ZFAT: variants seen among roughly 807,000 people sequenced by gnomAD.
ZFAT encodes the protein zinc finger protein ZFAT.
A neutral mutation model predicts 117.7 loss-of-function variants in ZFAT; 64 were observed. The ratio of observed to expected loss-of-function variants is 0.54; its 90% CI spans 0.44 to 0.67. The LOEUF (loss-of-function observed/expected upper bound fraction) is 0.67. Ranked by LOEUF, ZFAT falls within the 30% of genes least tolerant of loss-of-function variation. ZFAT has a pLI of 0.00. For missense variants in ZFAT, 1,433 were observed against 1,584.5 expected (o/e 0.90, Z 1.62); for synonymous variants, 679 against 615.0 (o/e 1.10, Z -1.54).
intron 10 of ZFAT, among the ~76,000 whole-genome samples, chr8:134,574,397 T>C (rs1825156235): frequency 6.6e-6 from 1 of 151,998 alleles, no homozygotes; most frequent in South Asian, 2.1e-4. Context: ...GCCTGGCGAC[T>C]TGGCACTAAC....
intron 2 of ZFAT, among the ~76,000 whole-genome samples, chr8:134,647,707 C>T (rs1830981780): frequency 6.6e-6 from 1 of 152,154 alleles, no homozygotes; most frequent in Non-Finnish European, 1.5e-5. Flanking sequence ...ATACAAAGAT[C>T]TGTTGTGTTT....
chr8:134,682,779 G>A (rs1346390965), intron 1 of ZFAT, among the ~76,000 whole-genome samples: 1 of 152,150 alleles, frequency 6.6e-6, no homozygotes. Context: ...TCCCAACCTC[G>A]GCTCCCTCCC....
chr8:134,478,303 G>T lies in ZFAT; in HGVS notation c.*179C>A. Reference sequence around the variant, plus strand: ...GGGTGAGGGTCCTGTGGTATTGCTGGTGATGCTGACTGCCTTGCCCACCCC... The same window carrying T: ...GGGTGAGGGTCCTGTGGTATTGCTGTTGATGCTGACTGCCTTGCCCACCCC... On this transcript the variant is annotated 3_prime_UTR_variant, in exon 16 of 16. Coordinates refer to ENST00000377838, the MANE Select transcript of ZFAT (RefSeq NM_020863.4). The surrounding 1 kb of genome is among the most constrained non-coding windows in gnomAD (Gnocchi z 5.2). 1.3e-6 allele frequency: 1 copy of T among 796,630 alleles called. No homozygotes were observed. Among genetic ancestry groups the T allele is most frequent in the Non-Finnish European group, 1.9e-6 (1 of 515,074 alleles). The allele number at this position is 796,630 out of a possible 1,614,324, so 49.3% of individuals were successfully genotyped here.
intron 6 of ZFAT, among the ~76,000 whole-genome samples, chr8:134,601,271 C>G (rs139885775): frequency 6.6e-6 from 1 of 152,336 alleles, no homozygotes; most frequent in Non-Finnish European, 1.5e-5. Flanking sequence ...CAGGCCAACA[C>G]AGTCAACTGT....
At chr8:134,828,518 G>A in the ZFAT span, among the ~76,000 whole-genome samples, 5 of 152,138 alleles carry the variant, frequency 3.3e-5, no homozygotes, top group Non-Finnish European at 7.3e-5. Flanking sequence ...AAAAGGTGAA[G>A]GCGTCACTGT....
the ZFAT span, among the ~76,000 whole-genome samples, chr8:134,831,929 G>A: frequency 0.032 from 4,787 of 151,878 alleles, 245 homozygotes; most frequent in African/African-American, 0.11. Flanking sequence ...GGGGGGCTGA[G>A]CGCCCGGTGT....
the ZFAT span, among the ~76,000 whole-genome samples, chr8:134,808,371 G>A: frequency 1.3e-5 from 2 of 152,200 alleles, no homozygotes; most frequent in African/African-American, 4.8e-5. Context: ...TGTGGATTAG[G>A]AGCACAGCAC....
chr8:134,778,586 A>G, the ZFAT span, among the ~76,000 whole-genome samples: 1 of 152,228 alleles, frequency 6.6e-6, no homozygotes, highest in Non-Finnish European at 1.5e-5. Context: ...GAATAAGCAC[A>G]TGTTCCAAAA....
the ZFAT span, chr8:134,798,260 T>A: frequency 6.6e-6 from 1 of 152,146 alleles, no homozygotes; most frequent in East Asian, 1.9e-4. Flanking sequence ...TCAAGTTTAA[T>A]TTCAGAACAT....
At chr8:134,815,079 T>C in the ZFAT span, among the ~76,000 whole-genome samples, 2 of 152,230 alleles carry the variant, frequency 1.3e-5, no homozygotes, top group African/African-American at 2.4e-5. Flanking sequence ...CAAAATCCTA[T>C]AATGAAATAT....
the ZFAT span, among the ~76,000 whole-genome samples, chr8:134,750,550 A>G: frequency 6.6e-6 from 1 of 152,144 alleles, no homozygotes; most frequent in African/African-American, 2.4e-5. Flanking sequence ...AATTATTTAT[A>G]TGTTTTAAAT....
At chr8:134,767,703 G>A in the ZFAT span, among the ~76,000 whole-genome samples, 2 of 152,104 alleles carry the variant, frequency 1.3e-5, no homozygotes, top group East Asian at 1.9e-4. Context: ...CGATTTTACT[G>A]TTAAGAAGTG....
intron 15 of ZFAT, among the ~76,000 whole-genome samples, chr8:134,496,576 C>T (rs143570674): frequency 4.6e-5 from 7 of 152,356 alleles, no homozygotes; most frequent in Non-Finnish European, 7.3e-5. Context: ...AGCTTCCCAA[C>T]ATCTGATCTG....
At chr8:134,793,731 C>CCGGGGG in the ZFAT span, 12 of 117,542 alleles carry the variant, frequency 1.0e-4, no homozygotes, top group African/African-American at 4.5e-4. Flanking sequence ...AGTCAAGAGT[C>CCGGGGG]CGGGGGCTGG....
At chr8:134,578,783 C>T (rs774384248) in intron 10 of ZFAT, among the ~76,000 whole-genome samples, 4 of 152,246 alleles carry the variant, frequency 2.6e-5, no homozygotes, top group South Asian at 2.1e-4. Flanking sequence ...AAAGACAGAA[C>T]GCACAGGATT....
chr8:134,670,617 AT>A (rs1334181634), intron 1 of ZFAT, among the ~76,000 whole-genome samples: 1 of 152,272 alleles, frequency 6.6e-6, no homozygotes, highest in East Asian at 1.9e-4. Context: ...GTACAGGGAA[AT>A]TTATAGCACT....
At chr8:134,534,593 GAGAGAGGGAGAGAGGGA>G (rs1409306997) in intron 11 of ZFAT, among the ~76,000 whole-genome samples, 8 of 150,746 alleles carry the variant, frequency 5.3e-5, no homozygotes, top group Non-Finnish European at 1.0e-4. Context: ...AGAGAGAAGG[GAGAGAGGGAGAGAGGGA>G]AGAGAGGGAG....
At chr8:134,528,578 A>G (rs1173602953) in intron 12 of ZFAT, among the ~76,000 whole-genome samples, 1 of 152,200 alleles carries the variant, frequency 6.6e-6, no homozygotes, top group East Asian at 1.9e-4. Context: ...ATAGCACTTC[A>G]AAGTAACATA....
At chr8:134,660,736 G>A (rs1165940491) in intron 1 of ZFAT, among the ~76,000 whole-genome samples, 1 of 152,170 alleles carries the variant, frequency 6.6e-6, no homozygotes, top group Non-Finnish European at 1.5e-5. Context: ...GAACTTCTGG[G>A]GACCACAGGG....
Sources: gnomAD v4.1 joint callset for allele counts (sites outside exome capture counted in the v4.1 genomes callset) on GRCh38, gnomAD v4.1.1 for gene constraint, Gnocchi (gnomAD v3.1) non-coding constraint, MANE v1.5 for transcripts, NCBI Gene and HGNC (gene_info 2026-07-23, HGNC 2026-07-21) for gene names.